ANKRD36C: variants seen among roughly 807,000 people sequenced by gnomAD.
The protein encoded by ANKRD36C is ankyrin repeat domain-containing protein 36C.
In ANKRD36C, 61 loss-of-function variants were observed where a neutral mutation model predicts 276.4. The ratio of observed to expected loss-of-function variants is 0.22; its 90% CI spans 0.18 to 0.27. ANKRD36C has a LOEUF of 0.27. Among genes scored for constraint, ANKRD36C ranks in the 10% least tolerant of loss-of-function variants. The pLI, the probability that ANKRD36C is intolerant of heterozygous loss-of-function variation, is 1.00. For missense variants in ANKRD36C, 1,447 were observed against 2,032.3 expected, an observed-to-expected ratio of 0.71 and a Z score of 5.54; for synonymous variants, 483 against 680.1, an observed-to-expected ratio of 0.71 and a Z score of 4.51.
chr2:95,894,005 G>A (rs1186782818), intron 44 of ANKRD36C, among the ~76,000 whole-genome samples: 3 of 151,484 alleles, frequency 2.0e-5, no homozygotes, highest in Non-Finnish European at 4.4e-5. Flanking sequence ...CATAGGCCGA[G>A]TGATGAGAAC....
At chr2:95,971,976 G>T (rs2579544) in intron 6 of ANKRD36C, among the ~76,000 whole-genome samples, 3 of 152,132 alleles carry the variant, frequency 2.0e-5, no homozygotes, top group Admixed American at 6.5e-5. Context: ...TGCAACTGAC[G>T]CAAATGAAAT....
At chr2:95,917,458 C>A (rs944889714) in intron 36 of ANKRD36C, among the ~76,000 whole-genome samples, 3 of 151,532 alleles carry the variant, frequency 2.0e-5, no homozygotes, top group Admixed American at 6.6e-5. Context: ...TGGATTATTA[C>A]TATCAGTTTT....
chr2:95,921,886 A>T (rs1343610426), intron 32 of ANKRD36C, 76 bp from the exon 33 acceptor site: 1 of 1,445,618 alleles, frequency 6.9e-7, no homozygotes, highest in African/African-American at 1.4e-5. Flanking sequence ...GTTAGCATCA[A>T]GCTGTATCTG....
chr2:95,914,418 T>G, intron 38 of ANKRD36C, 115 bp from the exon 41 acceptor site: 1 of 1,311,142 alleles, frequency 7.6e-7, no homozygotes, highest in Non-Finnish European at 1.1e-6. Flanking sequence ...GCGTAGTCTT[T>G]GATGGCTTCT....
chr2:95,940,469 G>C (rs1677847542), intron 20 of ANKRD36C, among the ~76,000 whole-genome samples: 1 of 152,268 alleles, frequency 6.6e-6, no homozygotes, highest in Admixed American at 6.5e-5. Context: ...TTATACAATG[G>C]CTATTTCATC....
In ANKRD36C at chr2:95,860,082, C is replaced by T. The variant is rs530528524; in HGVS notation, c.3683-8G>A. 1 of 1,486,504 alleles carries T rather than the reference C, an allele frequency of 6.7e-7. No individual in the cohort carries two copies. The highest frequency in any genetic ancestry group is 9.1e-7 in the Non-Finnish European group (1 of 1,095,884). The allele number at this position is 1,486,504 out of a possible 1,614,324, so 92.1% of individuals were successfully genotyped here. ...TCAATAGGTGAACACAATCTGTAAC[C>T]AGGAAAAAACAAAGTAGAGATAAAA... On this transcript the variant is annotated splice_region_variant and splice_polypyrimidine_tract_variant and intron_variant, in intron 60 of 66. Transcript: ENST00000456556.
At position 95,885,938 on chromosome 2, in the gene ANKRD36C, A is replaced by T. The variant is rs572104406; in HGVS notation, c.3163+110T>A. ...TTATTACAAATGAAGAATCTCAAGC[A>T]TGCTGAATCCAAACATAAAGCTTCA... On this transcript the variant is annotated intron_variant, in intron 52 of 66. Coordinates refer to ENST00000456556, the Ensembl canonical transcript of ANKRD36C. 6 of 1,543,104 alleles carry T rather than the reference A, an allele frequency of 3.9e-6. No homozygotes were observed. In the East Asian group the frequency reaches 1.2e-4, roughly 31 times the overall value.
chr2:95,878,983 A>G (rs559643770), intron 58 of ANKRD36C, among the ~76,000 whole-genome samples: 1 of 152,340 alleles, frequency 6.6e-6, no homozygotes, highest in Admixed American at 6.5e-5. Flanking sequence ...CAAGAAAATC[A>G]GTATTATAAA....
intron 60 of ANKRD36C, among the ~76,000 whole-genome samples, 152 bp downstream of exon 80, chr2:95,867,288 T>C (rs1040398628): frequency 2.0e-5 from 3 of 152,130 alleles, no homozygotes; most frequent in African/African-American, 7.2e-5. Flanking sequence ...AGGTACAAGA[T>C]ACAGTTGCTT....
intron 63 of ANKRD36C, 109 bp from the exon 84 acceptor site, chr2:95,853,970 C>T (rs1275588754): frequency 4.5e-6 from 6 of 1,336,590 alleles, no homozygotes; most frequent in Non-Finnish European, 6.0e-6. Context: ...CCACACAGAC[C>T]GATTCACCTT....
chr2:95,977,657 C>T (rs376166515), intron 6 of ANKRD36C, among the ~76,000 whole-genome samples: 1 of 150,994 alleles, frequency 6.6e-6, no homozygotes, highest in Non-Finnish European at 1.5e-5. Flanking sequence ...ATAATATATA[C>T]AACATACCAA....
At chr2:95,979,370 A>T (rs540015360) in intron 5 of ANKRD36C, among the ~76,000 whole-genome samples, 2 of 152,162 alleles carry the variant, frequency 1.3e-5, no homozygotes, top group South Asian at 4.1e-4. Flanking sequence ...CACAAAGCCT[A>T]ACTTTTACAT....
intron 6 of ANKRD36C, among the ~76,000 whole-genome samples, chr2:95,967,043 G>A (rs1361327033): frequency 6.6e-6 from 1 of 152,212 alleles, no homozygotes; most frequent in African/African-American, 2.4e-5. Flanking sequence ...ATCAGCTGAA[G>A]GAGATTTGGG....
chr2:95,954,882 C>T (rs1447790224), intron 13 of ANKRD36C, among the ~76,000 whole-genome samples: 1 of 152,106 alleles, frequency 6.6e-6, no homozygotes, highest in African/African-American at 2.4e-5. Flanking sequence ...TTCTGGATCC[C>T]TCTTCTGCAG....
chr2:95,867,468 G>A, exon 60 of ANKRD36C: 1 of 1,400,894 alleles, frequency 7.1e-7, no homozygotes, highest in Non-Finnish European at 9.7e-7. Context: ...GTTGATCAAT[G>A]AGTAATATGA....
chr2:95,962,305 C>T (rs1362916793), intron 8 of ANKRD36C, 47 bp downstream of exon 8: 1 of 1,527,894 alleles, frequency 6.5e-7, no homozygotes, highest in Non-Finnish European at 8.8e-7. Flanking sequence ...ACAGCAGTTC[C>T]CTTCTATCCT....
intron 59 of ANKRD36C, among the ~76,000 whole-genome samples, chr2:95,873,625 G>A (rs1675867474): frequency 2.0e-5 from 3 of 152,350 alleles, no homozygotes; most frequent in African/African-American, 7.2e-5. Flanking sequence ...CACAAGACAG[G>A]GATGCCCTCT....
At chr2:95,943,097 A>G (rs993733745) in intron 19 of ANKRD36C, among the ~76,000 whole-genome samples, 3 of 152,308 alleles carry the variant, frequency 2.0e-5, no homozygotes, top group Admixed American at 6.5e-5. Context: ...CTAGCTCCAG[A>G]AATAAGTAAT....
rs574367117 is a variant in ANKRD36C, at chr2:95,875,438, C to A, written c.3540+1001G>T. 1.1e-3 allele frequency among the ~76,000 whole-genome samples: 161 copies of A among 148,070 alleles called. 2 individuals are homozygous for A. Among genetic ancestry groups the A allele is most frequent in the Middle Eastern group, 7.0e-3 (2 of 286 alleles). On this transcript the variant is annotated intron_variant, in intron 59 of 66. Transcript: ENST00000456556. Reference sequence around the variant, plus strand: ...AGTAAACTATCGCAAGGACAAAAAACCAAACACTGCATGTTCTCACTCATA... The same window carrying A: ...AGTAAACTATCGCAAGGACAAAAAAACAAACACTGCATGTTCTCACTCATA...
Sources: allele counts gnomAD v4.1 joint callset (sites outside exome capture counted in the v4.1 genomes callset), GRCh38; gene constraint gnomAD v4.1.1; transcripts MANE v1.5; gene names NCBI Gene and HGNC (gene_info 2026-07-23, HGNC 2026-07-21).